The following RECQL5 variants were observed in gnomAD, a reference collection of about 807,000 sequenced individuals.
RECQL5 encodes ATP-dependent DNA helicase Q5.
Under a neutral mutation model 103.4 loss-of-function variants are expected in RECQL5, and 88 were observed. The observed-to-expected ratio is 0.85, with a 90% confidence interval of 0.72 to 1.02. RECQL5 has a LOEUF of 1.02. RECQL5 is among the 50% of genes least tolerant of loss of function. The pLI is 0.00. For synonymous variants in RECQL5, 552 were observed against 507.9 expected (o/e 1.09, Z -1.17); for missense variants, 1,232 against 1,284.3 (o/e 0.96, Z 0.62).
chr17:75,644,828 CAAA>C (rs61339782), intron 8 of RECQL5, among the ~76,000 whole-genome samples: 3 of 136,562 alleles, frequency 2.2e-5, no homozygotes, highest in Admixed American at 7.3e-5. Flanking sequence ...GACTCTGCCT[CAAA>C]AAAAAAAAAA....
In RECQL5 at chr17:75,631,224, C is replaced by G. The variant is rs371629061; in HGVS notation, c.1474G>C (p.Gly492Arg). The change falls in exon 10 of 20, where the codon GGG (glycine) becomes CGG (arginine). Residue 492 changes from glycine (G) to arginine (R), a missense_variant. Coordinates refer to ENST00000317905, the MANE Select transcript of RECQL5 (RefSeq NM_004259.7). ...SRYDEGSGGS[G>R]DEGRDEAHKR... ...TGGGCCTCATCTCTGCCTTCATCCC[C>G]GCTGCCTCCAGAACCTTCGTCATAC... is the stretch of plus-strand genomic sequence containing the variant. 4 of 1,613,808 alleles carry G rather than the reference C, an allele frequency of 2.5e-6. No homozygotes were observed. Among genetic ancestry groups the G allele is most frequent in the Non-Finnish European group, 1.7e-6 (2 of 1,180,036 alleles).
At chr17:75,639,994 A>T in intron 8 of RECQL5, 1 of 622,346 alleles carries the variant, frequency 1.6e-6, no homozygotes, top group Non-Finnish European at 2.6e-6. Context: ...GAGCTGTGTC[A>T]GCTGGGTGGG....
At chr17:75,633,929 C>T in intron 8 of RECQL5, 1 of 986,590 alleles carries the variant, frequency 1.0e-6, no homozygotes, top group Non-Finnish European at 1.2e-6. Context: ...GCAGCGCTCT[C>T]AGGGCAGAGG....
In RECQL5 at chr17:75,627,692, C is replaced by T. The variant is rs200823933; in HGVS notation, c.2806G>A (p.Glu936Lys). The T allele has an allele frequency of 9.4e-6, 15 of 1,603,230 alleles. No homozygotes were observed. Among genetic ancestry groups the T allele is most frequent in the Non-Finnish European group, 1.7e-6 (2 of 1,174,734 alleles). Residue 936 changes from glutamate to lysine, a missense_variant and splice_region_variant, in exon 19 of 20, where the codon GAG becomes AAG. Coordinates refer to ENST00000317905, the MANE Select transcript of RECQL5 (RefSeq NM_004259.7). The stretch of plus-strand genomic sequence containing the variant: ...TGGCGGGCAAAGCCTTTAAACAACT[C>T]CTGGAAGGGAGAGGGAGAAGAGAAG... Reference protein sequence around the residue: ...FYKEGKFASKELFKGFARHLS... With the variant: ...FYKEGKFASKKLFKGFARHLS...
At chr17:75,632,722 C>T (rs2059241622) in intron 8 of RECQL5, among the ~76,000 whole-genome samples, 2 of 152,202 alleles carry the variant, frequency 1.3e-5, no homozygotes, top group Non-Finnish European at 1.5e-5. Flanking sequence ...CTTGGGGCAG[C>T]TGCAGAGGCC....
At chr17:75,650,205 T>G (rs1255034535) in intron 8 of RECQL5, 2 of 989,704 alleles carry the variant, frequency 2.0e-6, no homozygotes, top group East Asian at 2.2e-4. Flanking sequence ...GCAAGGGTGG[T>G]CCTGGCACTG....
intron 8 of RECQL5, chr17:75,635,842 C>T (rs2059311234): frequency 2.0e-6 from 2 of 985,386 alleles, no homozygotes; most frequent in East Asian, 2.3e-4. Flanking sequence ...TGCTGCCAGC[C>T]CTTCCTCGTG....
At position 75,629,330 on chromosome 17, in the gene RECQL5, C is replaced by A. The variant is rs1159076259; in HGVS notation, c.2093G>T (p.Cys698Phe). The change falls in exon 16 of 20, where the codon TGT (cysteine) becomes TTT (phenylalanine). Residue 698 changes from cysteine to phenylalanine, a missense_variant. Physicochemically the swap from Cys to Phe is radical, Grantham distance 205. Coordinates refer to ENST00000317905, the MANE Select transcript of RECQL5 (RefSeq NM_004259.7). Reference protein sequence around the residue: ...GGEHEPPSRPCGLLDEDGSEP... With the variant: ...GGEHEPPSRPFGLLDEDGSEP... ...ACTCCCATCCTCATCCAGGAGGCCA[C>A]AGGGCCGGCTCGGGGGCTCGTGCTC... The A allele has an allele frequency of 1.3e-6, 2 of 1,533,700 alleles. No individual in the cohort carries two copies.
In RECQL5 at chr17:75,629,422, C is replaced by G. The variant is rs1183429645; in HGVS notation, c.2001G>C (p.Gln667His). ...AGFPKGSCPF[Q>H]TATELMETTR... ...TTGTCTCCATCAGTTCCGTGGCCGTCTGGAACGGGCAGGAGCCTTTGGGGA... is the reference window on the plus strand; with the variant it reads ...TTGTCTCCATCAGTTCCGTGGCCGTGTGGAACGGGCAGGAGCCTTTGGGGA... Residue 667 changes from glutamine (Q) to histidine (H), a missense_variant, in exon 16 of 20, where the codon CAG becomes CAC. By Grantham distance (24) the Gln-to-His change is conservative. Coordinates refer to ENST00000317905, the MANE Select transcript of RECQL5 (RefSeq NM_004259.7). 6.6e-7 allele frequency: 1 copy of G among 1,506,060 alleles called. No individual in the cohort carries two copies. Among genetic ancestry groups the G allele is most frequent in the African/African-American group, 1.4e-5 (1 of 71,486 alleles). 93.3% of individuals were successfully genotyped at this position (1,506,060 alleles called of 1,614,324 possible).
Position 75,661,634 on chromosome 17 carries a change from C to T in RECQL5, c.846G>A (p.Arg282=), listed in dbSNP as rs760056166. Residue 282 remains arginine (R), a synonymous_variant, in exon 5 of 20, where the codon AGG becomes AGA. Transcript: ENST00000317905. ...CEQLAIELSC[R]GVNAKAYHAG... is the part of the protein sequence containing the mutation. ...CATGGTAAGCCTTGGCGTTCACACC[C>T]CTGCAGCTGAGCTCTATGGCCAGCT... The T allele has an allele frequency of 6.2e-7, 1 of 1,614,108 alleles. No homozygotes were observed. Among genetic ancestry groups the T allele is most frequent in the South Asian group, 1.1e-5 (1 of 91,076 alleles).
rs759706515 is a variant in RECQL5 at position 75,631,027 on chromosome 17, A to G, written c.1549-17T>C. ...GTCTTTGCCCTGGAGGACAACATGA[A>G]GGACCCATGAGGCGTCCTGCCCTGC... is the stretch of plus-strand genomic sequence containing the variant. On this transcript the variant is annotated splice_polypyrimidine_tract_variant and intron_variant, in intron 10 of 19. Transcript: ENST00000317905. The G allele has an allele frequency of 3.1e-6, 5 of 1,613,572 alleles. No individual in the cohort carries two copies. Among genetic ancestry groups the G allele is most frequent in the African/African-American group, 1.3e-5 (1 of 75,042 alleles).
At position 75,651,755 on chromosome 17, in the gene RECQL5, G is replaced by A. The variant is rs116973816; in HGVS notation, c.1150-490C>T. ...TTGAGAGTTTCCGAAAAGCTTCTCA[G>A]GAGGTTCTCATGCAAAGGGCCCACA... On this transcript the variant is annotated intron_variant, in intron 7 of 19. Transcript: ENST00000317905. 2.8e-4 allele frequency among the ~76,000 whole-genome samples: 43 copies of A among 152,290 alleles called. No homozygotes were observed. The East Asian group carries it at 7.7e-3, about 27-fold the overall frequency.
intron 8 of RECQL5, chr17:75,647,422 T>C (rs1443543195): frequency 6.5e-7 from 1 of 1,550,036 alleles, no homozygotes; most frequent in Non-Finnish European, 8.7e-7. Context: ...TGATGCGTTC[T>C]GGCAGAACCC....
intron 8 of RECQL5, among the ~76,000 whole-genome samples, chr17:75,643,894 C>T (rs1241896152): frequency 1.3e-5 from 2 of 152,244 alleles, no homozygotes; most frequent in African/African-American, 4.8e-5. Flanking sequence ...TCATGCCCAC[C>T]CCAAGCTGTG....
At chr17:75,650,860 G>T in intron 8 of RECQL5, 1 of 1,466,950 alleles carries the variant, frequency 6.8e-7, no homozygotes, top group Non-Finnish European at 9.0e-7. Context: ...GGTGGCACAT[G>T]ATGACCACAA....
intron 8 of RECQL5, chr17:75,650,802 C>G: frequency 6.5e-7 from 1 of 1,549,158 alleles, no homozygotes; most frequent in Non-Finnish European, 8.7e-7. Flanking sequence ...CTGTGTGGGT[C>G]CTGGATAAGG....
rs770972526 is a variant in RECQL5 at position 75,630,847 on chromosome 17, G to C, written c.1586-10C>G. 37 of 1,457,896 alleles carry C rather than the reference G, an allele frequency of 2.5e-5. No homozygotes were observed. Among genetic ancestry groups the C allele is most frequent in the East Asian group, 1.7e-4 (7 of 41,102 alleles). 90.3% of individuals were successfully genotyped at this position (1,457,896 alleles called of 1,614,324 possible). A position where few individuals can be genotyped will look rare whatever the true frequency, so the allele number is the denominator to read the frequency against. On this transcript the variant is annotated splice_polypyrimidine_tract_variant and intron_variant, in intron 11 of 19. Coordinates refer to ENST00000317905, the MANE Select transcript of RECQL5 (RefSeq NM_004259.7). ...AGGGGACAGTTCTCATCTGTGGGGG[G>C]GGGGGGTGGTCCTTGGTCCTTTCGC...
At chr17:75,628,472 C>G in intron 17 of RECQL5, 30 bp from the exon 18 acceptor site, 18 of 1,604,908 alleles carry the variant, frequency 1.1e-5, no homozygotes, top group Non-Finnish European at 1.5e-5. Flanking sequence ...AGGGTCACTC[C>G]TGAGCTCCCT....
chr17:75,640,664 G>A lies in RECQL5; in HGVS notation c.1230-8996C>T, dbSNP rs370962001. The A allele has an allele frequency of 2.6e-3, 3,773 of 1,467,316 alleles. 82 individuals are homozygous for A. The South Asian group carries it at 0.038, about 15-fold the overall frequency. The allele number at this position is 1,467,316 out of a possible 1,614,324, so 90.9% of individuals were successfully genotyped here. The stretch of plus-strand genomic sequence containing the variant: ...CGTCCGCACCTCTCACCAGCCTCTC[G>A]GATCTTTCTGACCTCCACCAAACCT... On this transcript the variant is annotated intron_variant, in intron 8 of 19. Coordinates refer to ENST00000317905, the MANE Select transcript of RECQL5 (RefSeq NM_004259.7). The surrounding 1 kb of genome is among the most constrained non-coding windows in gnomAD (Gnocchi z 4.6).
Sources: gnomAD v4.1 joint callset for allele counts (sites outside exome capture counted in the v4.1 genomes callset) on GRCh38, gnomAD v4.1.1 for gene constraint, Gnocchi (gnomAD v3.1) non-coding constraint, MANE v1.5 for transcripts, NCBI Gene and HGNC (gene_info 2026-07-23, HGNC 2026-07-21) for gene names.